Variants in TNRC6C observed in about 807,000 individuals in gnomAD.
TNRC6C encodes the protein trinucleotide repeat containing adaptor 6C, also known as trinucleotide repeat-containing gene 6C protein.
A neutral mutation model predicts 153.7 loss-of-function variants in TNRC6C; 20 were observed. That is an observed-to-expected ratio of 0.13 (90% confidence interval 0.09 to 0.19). The LOEUF (loss-of-function observed/expected upper bound fraction) is 0.19. Ranked by LOEUF, TNRC6C falls within the 10% of genes least tolerant of loss-of-function variation. The pLI is 1.00. For missense variants in TNRC6C, 1,987 were observed against 2,172.0 expected, an observed-to-expected ratio of 0.91 and a Z score of 1.69; for synonymous variants, 811 against 841.4, an observed-to-expected ratio of 0.96 and a Z score of 0.63.
At chr17:77,968,137 A>T (rs1484300357) in intron 1 of TNRC6C, among the ~76,000 whole-genome samples, 1 of 152,094 alleles carries the variant, frequency 6.6e-6, no homozygotes, top group Non-Finnish European at 1.5e-5. Context: ...GGTTCAAGCG[A>T]TTCTCCTCCC....
At chr17:78,086,458 T>TA in intron 11 of TNRC6C, 45 bp from the exon 14 acceptor site, 3 of 1,562,394 alleles carry the variant, frequency 1.9e-6, no homozygotes, top group Non-Finnish European at 2.6e-6. Flanking sequence ...TAGTTCAACT[T>TA]ACACTTAATT....
chr17:78,029,616 TA>T (rs201428494), intron 1 of TNRC6C, among the ~76,000 whole-genome samples: 3 of 152,174 alleles, frequency 2.0e-5, no homozygotes, highest in South Asian at 2.1e-4. Context: ...TAAACTTACT[TA>T]AAAAAATTTT....
intron 2 of TNRC6C, 75 bp downstream of exon 4, chr17:78,031,917 G>C (rs2072083193): frequency 8.3e-7 from 1 of 1,204,324 alleles, no homozygotes; most frequent in Non-Finnish European, 1.0e-6. Flanking sequence ...CTGAGCAATA[G>C]AAATAGACAT....
At chr17:77,958,353 C>A (rs895470957), upstream of TNRC6C, among the ~76,000 whole-genome samples, 9 of 152,060 alleles carry the variant, frequency 5.9e-5, no homozygotes, top group African/African-American at 9.7e-5. Context: ...CCACGTAACC[C>A]CCCCGAGCAG....
At chr17:77,967,136 T>C (rs75704837) in intron 1 of TNRC6C, among the ~76,000 whole-genome samples, 4,330 of 152,256 alleles carry the variant, frequency 0.028, 184 homozygotes, top group African/African-American at 0.099. Context: ...TGGACTTTTG[T>C]GTATATGTAG....
intron 1 of TNRC6C, among the ~76,000 whole-genome samples, chr17:77,961,121 C>A (rs531451931): frequency 6.6e-6 from 1 of 150,868 alleles, no homozygotes; most frequent in African/African-American, 2.4e-5. Context: ...GCTTCTTGTC[C>A]AAAACAAAGA....
At chr17:78,014,896 C>G (rs537376765) in intron 1 of TNRC6C, among the ~76,000 whole-genome samples, 78 of 151,988 alleles carry the variant, frequency 5.1e-4, no homozygotes, top group Admixed American at 9.2e-4. Context: ...ATGGACCCTC[C>G]GTACTCAGAG....
chr17:78,006,498 C>CTTCT (rs2071502645), intron 1 of TNRC6C, among the ~76,000 whole-genome samples: 1 of 12,438 alleles, frequency 8.0e-5, no homozygotes, highest in Admixed American at 6.3e-4. Flanking sequence ...CTTCTTTCTT[C>CTTCT]TTCTTCTTCT....
intron 13 of TNRC6C, among the ~76,000 whole-genome samples, chr17:78,088,789 T>C (rs1176270494): frequency 6.6e-6 from 1 of 151,998 alleles, no homozygotes; most frequent in Non-Finnish European, 1.5e-5. Flanking sequence ...TCTTAAATAG[T>C]GCCTAGCACA....
intron 1 of TNRC6C, among the ~76,000 whole-genome samples, chr17:78,024,622 C>T (rs2071899818): frequency 6.6e-6 from 1 of 151,850 alleles, no homozygotes. Context: ...ACTTTGGCCT[C>T]CCAAAGTGCT....
At chr17:78,033,479 GACCAACAT>G (rs2072113769) in intron 2 of TNRC6C, among the ~76,000 whole-genome samples, 1 of 152,158 alleles carries the variant, frequency 6.6e-6, no homozygotes, top group Non-Finnish European at 1.5e-5. Context: ...AGACCAGCCT[GACCAACAT>G]GGAGAAACCC....
In TNRC6C at chr17:78,019,649, T is replaced by C. The variant is rs536852134; in HGVS notation, c.-545-11867T>C. The stretch of plus-strand genomic sequence containing the variant: ...AATTTCCATCTTGCTGAAAGTTTTT[T>C]AAAATTATATATGTAGTTATTAAAT... On this transcript the variant is annotated intron_variant, in intron 1 of 19. Coordinates refer to ENST00000301624, the Ensembl canonical transcript of TNRC6C. 3.9e-5 allele frequency among the ~76,000 whole-genome samples: 6 copies of C among 152,364 alleles called. No homozygotes were observed. The South Asian group carries it at 1.2e-3, about 32-fold the overall frequency.
intron 1 of TNRC6C, among the ~76,000 whole-genome samples, chr17:77,964,165 A>G (rs774769916): frequency 6.6e-6 from 1 of 152,204 alleles, no homozygotes; most frequent in African/African-American, 2.4e-5. Flanking sequence ...TTTTTTGCAC[A>G]AAAATGAAGA....
intron 16 of TNRC6C, chr17:78,097,846 G>T (rs565235835): frequency 4.5e-6 from 7 of 1,547,338 alleles, no homozygotes; most frequent in Non-Finnish European, 6.1e-6. Context: ...CATTGCATCC[G>T]CACCTAGTGT....
At chr17:78,031,615 G>A (rs1244865866) in exon 2 of TNRC6C, 3 of 1,232,334 alleles carry the variant, frequency 2.4e-6, no homozygotes, top group African/African-American at 1.6e-5. Flanking sequence ...AATGGCAAAC[G>A]TGCATCTGCC....
intron 16 of TNRC6C, 26 bp from the exon 20 acceptor site, chr17:78,098,317 T>TA (rs1302300993): frequency 6.3e-7 from 1 of 1,583,036 alleles, no homozygotes. Context: ...CAAGACTGCA[T>TA]ATGCTCCATC....
In TNRC6C at chr17:78,075,376, G is replaced by C; in HGVS notation, c.3060+98G>C. ...TACAAGCCAGATTAAAAACTTGCTG[G>C]ACTATAATACTTAAGTGACTTTTAT... On this transcript the variant is annotated intron_variant, in intron 8 of 19. Coordinates refer to ENST00000301624, the Ensembl canonical transcript of TNRC6C. The surrounding 1 kb of genome is among the most constrained non-coding windows in gnomAD (Gnocchi z 4.2). 1 of 1,393,430 alleles carries C rather than the reference G, an allele frequency of 7.2e-7. No individual in the cohort carries two copies. The highest frequency in any genetic ancestry group is 1.4e-5 in the South Asian group (1 of 70,490). 86.3% of individuals were successfully genotyped at this position (1,393,430 alleles called of 1,614,324 possible). A position where few individuals can be genotyped will look rare whatever the true frequency, so the allele number is the denominator to read the frequency against.
At chr17:78,083,275 A>G in intron 11 of TNRC6C, 109 bp downstream of exon 13, 1 of 1,431,470 alleles carries the variant, frequency 7.0e-7, no homozygotes, top group Non-Finnish European at 9.5e-7. Flanking sequence ...CAGGGATGTC[A>G]TTGAGACTCT....
chr17:78,032,174 T>A (rs1408792412), intron 2 of TNRC6C, among the ~76,000 whole-genome samples: 1 of 152,170 alleles, frequency 6.6e-6, no homozygotes, highest in Non-Finnish European at 1.5e-5. Context: ...GTAAAACCCT[T>A]TTCTCTCAAT....
Sources: allele counts gnomAD v4.1 joint callset (sites outside exome capture counted in the v4.1 genomes callset), GRCh38; gene constraint gnomAD v4.1.1; non-coding constraint Gnocchi (gnomAD v3.1); transcripts MANE v1.5; gene names NCBI Gene and HGNC (gene_info 2026-07-23, HGNC 2026-07-21).